PTPRD: variants seen among roughly 807,000 people sequenced by gnomAD.
The protein encoded by PTPRD is receptor-type tyrosine-protein phosphatase delta.
A neutral mutation model predicts 214.5 loss-of-function variants in PTPRD; 34 were observed. That is an observed-to-expected ratio of 0.16 (90% confidence interval 0.12 to 0.21). PTPRD has a LOEUF of 0.21. Ranked by LOEUF, PTPRD falls within the 10% of genes least tolerant of loss-of-function variation. The pLI is 1.00. For synonymous variants in PTPRD, 1,128 were observed against 845.7 expected, an observed-to-expected ratio of 1.33 and a Z score of -5.79; for missense variants, 2,545 against 2,398.7, an observed-to-expected ratio of 1.06 and a Z score of -1.27.
At chr9:9,285,449 T>A (rs146450517) in intron 9 of PTPRD, among the ~76,000 whole-genome samples, 2 of 151,786 alleles carry the variant, frequency 1.3e-5, no homozygotes, top group African/African-American at 2.4e-5. Flanking sequence ...CTTTTCTTCA[T>A]TGGTAACTAA....
At chr9:9,903,855 T>C (rs1298998403) in intron 5 of PTPRD, among the ~76,000 whole-genome samples, 2 of 152,148 alleles carry the variant, frequency 1.3e-5, no homozygotes, top group Non-Finnish European at 2.9e-5. Flanking sequence ...TCAGAACAAC[T>C]GTCTTCTAAG....
chr9:8,548,933 C>T lies in PTPRD; in HGVS notation c.353-20154G>A, dbSNP rs968376676. Among the ~76,000 whole-genome samples the T allele has an allele frequency of 1.4e-4, 21 of 151,892 alleles. 1 individual carries two copies. The highest frequency in any genetic ancestry group is 8.3e-4 in the South Asian group (4 of 4,800). ...CTTGGACTCCTGACCTCAGGTGATC[C>T]GCCTGCCTCGGCCTCACAAAGTGAT... On this transcript the variant is annotated intron_variant, in intron 14 of 45. Coordinates refer to ENST00000381196, the MANE Select transcript of PTPRD (RefSeq NM_002839.4).
intron 11 of PTPRD, among the ~76,000 whole-genome samples, chr9:9,004,827 G>A (rs1034711145): frequency 1.3e-5 from 2 of 152,024 alleles, no homozygotes; most frequent in Non-Finnish European, 1.5e-5. Flanking sequence ...CCATAGCTCA[G>A]ATTCAAAACA....
At chr9:10,064,047 C>G (rs1485286905) in intron 3 of PTPRD, among the ~76,000 whole-genome samples, 1 of 151,738 alleles carries the variant, frequency 6.6e-6, no homozygotes, top group Admixed American at 6.6e-5. Flanking sequence ...CTTTTCTCAG[C>G]TTGTAATGAA....
intron 9 of PTPRD, among the ~76,000 whole-genome samples, chr9:9,309,220 T>G (rs978508299): frequency 2.7e-5 from 4 of 146,320 alleles, no homozygotes; most frequent in South Asian, 2.1e-4. Context: ...TATGTTTTTG[T>G]TTTTTTTTTT....
chr9:8,830,548 A>T (rs113008591), intron 11 of PTPRD, among the ~76,000 whole-genome samples: 3,034 of 152,196 alleles, frequency 0.02, 94 homozygotes, highest in African/African-American at 0.07. Context: ...GTGCTCTGTG[A>T]CCAAACAGAA....
intron 8 of PTPRD, among the ~76,000 whole-genome samples, chr9:9,479,366 C>A (rs944780722): frequency 6.6e-6 from 1 of 151,896 alleles, no homozygotes; most frequent in Admixed American, 6.6e-5. Flanking sequence ...CACACACACA[C>A]ACACACATAC....
chr9:8,850,082 A>C (rs2097782484), intron 11 of PTPRD, among the ~76,000 whole-genome samples: 1 of 152,198 alleles, frequency 6.6e-6, no homozygotes, highest in Admixed American at 6.5e-5. Flanking sequence ...ATCAAGGGAT[A>C]ACTCAGATGA....
intron 9 of PTPRD, among the ~76,000 whole-genome samples, chr9:9,326,565 TA>T (rs1199583231): frequency 6.7e-6 from 1 of 148,608 alleles, no homozygotes; most frequent in Non-Finnish European, 1.5e-5. Context: ...CTTCTGAAAA[TA>T]AAAAAAGAAA....
chr9:9,540,098 A>G (rs764866011), intron 8 of PTPRD, among the ~76,000 whole-genome samples: 15 of 151,834 alleles, frequency 9.9e-5, no homozygotes, highest in Admixed American at 9.9e-4. Context: ...CTAAGTTACT[A>G]AATGCCTTCT....
At chr9:8,342,075 A>C in intron 39 of PTPRD, 97 bp from the exon 40 acceptor site, 1 of 1,236,220 alleles carries the variant, frequency 8.1e-7, no homozygotes, top group Middle Eastern at 2.7e-4. Context: ...TAGACCTTAC[A>C]TCCATTACTT....
At chr9:9,604,064 T>C (rs141009916) in intron 7 of PTPRD, among the ~76,000 whole-genome samples, 46 of 152,218 alleles carry the variant, frequency 3.0e-4, no homozygotes, top group African/African-American at 1.1e-3. Flanking sequence ...TTGATTAATA[T>C]AATTTTGCTT....
intron 2 of PTPRD, among the ~76,000 whole-genome samples, chr9:10,451,544 A>T (rs1250657365): frequency 6.6e-6 from 1 of 151,550 alleles, no homozygotes; most frequent in Non-Finnish European, 1.5e-5. Context: ...ACTGTTCATT[A>T]TCTGTAATCG....
intron 2 of PTPRD, among the ~76,000 whole-genome samples, chr9:10,356,977 G>A (rs1231915311): frequency 2.0e-5 from 3 of 151,844 alleles, no homozygotes; most frequent in Admixed American, 6.6e-5. Flanking sequence ...CACCACGCCC[G>A]GCCCATAAGA....
At chr9:8,911,415 T>TGTTG (rs1555510111) in intron 11 of PTPRD, among the ~76,000 whole-genome samples, 2,890 of 127,598 alleles carry the variant, frequency 0.023, 96 homozygotes, top group African/African-American at 0.072. Context: ...TGTGTGTGTG[T>TGTTG]TGTGTGTGTG....
At chr9:8,432,096 G>T (rs957954099) in intron 35 of PTPRD, among the ~76,000 whole-genome samples, 2 of 152,158 alleles carry the variant, frequency 1.3e-5, no homozygotes, top group African/African-American at 2.4e-5. Context: ...GCCAGCCTAA[G>T]ATTTTGTTTG....
At chr9:9,029,929 C>T (rs753238265) in intron 10 of PTPRD, among the ~76,000 whole-genome samples, 11 of 151,938 alleles carry the variant, frequency 7.2e-5, no homozygotes, top group South Asian at 2.1e-4. Flanking sequence ...GGTGACAGCA[C>T]GATTTCAGGT....
intron 2 of PTPRD, among the ~76,000 whole-genome samples, chr9:10,346,562 C>T (rs1395683316): frequency 6.6e-6 from 1 of 152,052 alleles, no homozygotes; most frequent in East Asian, 1.9e-4. Flanking sequence ...ATTAGAATTC[C>T]AGAAAATATA....
chr9:8,363,692 C>G (rs948958934), intron 39 of PTPRD, among the ~76,000 whole-genome samples: 1 of 152,150 alleles, frequency 6.6e-6, no homozygotes, highest in Non-Finnish European at 1.5e-5. Flanking sequence ...TGCAGGCTGA[C>G]CAATGTCCTA....
Sources: gnomAD v4.1 joint callset for allele counts (sites outside exome capture counted in the v4.1 genomes callset) on GRCh38, gnomAD v4.1.1 for gene constraint, MANE v1.5 for transcripts, NCBI Gene and HGNC (gene_info 2026-07-23, HGNC 2026-07-21) for gene names.